CFAP418: variants seen among roughly 807,000 people sequenced by gnomAD.
CFAP418 encodes the protein cilia- and flagella-associated protein 418.
A neutral mutation model predicts 24.7 loss-of-function variants in CFAP418; 27 were observed. That is an observed-to-expected ratio of 1.09 (90% CI 0.81 to 1.51). The LOEUF (loss-of-function observed/expected upper bound fraction) is 1.51. CFAP418 is among the 40% of genes most tolerant of loss of function. The pLI, the probability that CFAP418 is intolerant of heterozygous loss-of-function variation, is 0.00. For synonymous variants in CFAP418, 74 were observed against 87.3 expected (o/e 0.85, Z 0.85); for missense variants, 257 against 255.2 (o/e 1.01, Z -0.05).
chr8:95,252,244 C>T lies in CFAP418; in HGVS notation c.414G>A (p.Leu138=), dbSNP rs150592488. The change falls in exon 5 of 6, where the codon TTG becomes TTA. Residue 138 remains leucine, a synonymous_variant. Coordinates refer to ENST00000286688, the MANE Select transcript of CFAP418 (RefSeq NM_177965.4). ...ACATATAGTCATCATAGCTGACTAC[C>T]AAGAAATCACAGGCTATACAACGCA... ...DHLRCIACDF[L]VVSYDDYMWD... The T allele has an allele frequency of 5.0e-6, 8 of 1,613,474 alleles. No homozygotes were observed. In the Admixed American group the frequency reaches 6.7e-5, roughly 13 times the overall value.
chr8:95,249,423 G>A (rs915108329), intron 5 of CFAP418, among the ~76,000 whole-genome samples: 1 of 152,152 alleles, frequency 6.6e-6, no homozygotes, highest in African/African-American at 2.4e-5. Flanking sequence ...TGCACTTTGG[G>A]GAGCCAAGGT....
intron 1 of CFAP418, 157 bp downstream of exon 1, chr8:95,268,878 G>C (rs963425651): frequency 2.6e-6 from 2 of 757,778 alleles, no homozygotes; most frequent in Admixed American, 2.4e-5. Flanking sequence ...CGACGAATGC[G>C]CTGCCGCGGA....
At chr8:95,267,145 A>G (rs1203018647) in intron 1 of CFAP418, among the ~76,000 whole-genome samples, 3 of 152,260 alleles carry the variant, frequency 2.0e-5, no homozygotes, top group Non-Finnish European at 2.9e-5. Context: ...GATATTTACA[A>G]CATCCAGCCA....
At position 95,247,391 on chromosome 8, in the gene CFAP418, C is replaced by A; in HGVS notation, c.*226G>T. On this transcript the variant is annotated 3_prime_UTR_variant, in exon 6 of 6. Transcript: ENST00000286688. ...ACAGATTAGTAAAGAATGTAGATGC[C>A]TGTTACTAAGTGAAACATCCATGTA... 1.9e-6 allele frequency: 1 copy of A among 527,484 alleles called. No individual in the cohort carries two copies. The highest frequency in any genetic ancestry group is 3.4e-6 in the Non-Finnish European group (1 of 298,446). 32.7% of individuals were successfully genotyped at this position (527,484 alleles called of 1,614,324 possible). A position where few individuals can be genotyped will look rare whatever the true frequency, so the allele number is the denominator to read the frequency against.
Position 95,265,521 on chromosome 8 carries a change from T to C in CFAP418, c.156-1747A>G, listed in dbSNP as rs565942606. 7.8e-4 allele frequency among the ~76,000 whole-genome samples: 119 copies of C among 152,336 alleles called. 1 individual carries two copies. Among genetic ancestry groups the C allele is most frequent in the Non-Finnish European group, 1.5e-3 (101 of 68,014 alleles). On this transcript the variant is annotated intron_variant, in intron 1 of 5. Transcript: ENST00000286688. ...TCCTCTTTAATCTTTCAGAAGCATC[T>C]GACACTGTTGGGTACCAATTCCTTA...
chr8:95,249,304 A>G (rs1356856467), intron 5 of CFAP418, among the ~76,000 whole-genome samples: 2 of 152,242 alleles, frequency 1.3e-5, no homozygotes, highest in African/African-American at 2.4e-5. Flanking sequence ...TAGAAAAATA[A>G]AAGCATTTTC....
At chr8:95,249,658 A>G (rs1811679352) in intron 5 of CFAP418, among the ~76,000 whole-genome samples, 1 of 149,950 alleles carries the variant, frequency 6.7e-6, no homozygotes, top group South Asian at 2.1e-4. Context: ...TTGGCTCAGA[A>G]AAAAAAAAAA....
chr8:95,255,928 T>C (rs1228997370), intron 4 of CFAP418, among the ~76,000 whole-genome samples: 1 of 152,242 alleles, frequency 6.6e-6, no homozygotes, highest in Admixed American at 6.5e-5. Flanking sequence ...AAGGGGCAAC[T>C]AATAAAAAAT....
rs1199358522 is a variant in CFAP418 at position 95,268,791 on chromosome 8, G to A, written c.155+244C>T. The A allele has an allele frequency of 3.1e-4, 89 of 284,290 alleles. 1 individual carries two copies. Among genetic ancestry groups the A allele is most frequent in the Non-Finnish European group, 6.5e-5 (10 of 154,078 alleles). The allele number at this position is 284,290 out of a possible 1,614,324, so 17.6% of individuals were successfully genotyped here. A position where few individuals can be genotyped will look rare whatever the true frequency, so the allele number is the denominator to read the frequency against. On this transcript the variant is annotated intron_variant, in intron 1 of 5. Coordinates refer to ENST00000286688, the MANE Select transcript of CFAP418 (RefSeq NM_177965.4). ...GGGGCGGGGCGGGGCGGGGCGGGGC[G>A]GGGGCCAGCCCTCTGGGGCATGCCG...
At chr8:95,252,139 T>G in intron 5 of CFAP418, 49 bp downstream of exon 5, 1 of 1,391,972 alleles carries the variant, frequency 7.2e-7, no homozygotes, top group Non-Finnish European at 1.0e-6. Flanking sequence ...AAATAGGAAA[T>G]ATAAACTACT....
Position 95,247,744 on chromosome 8 carries a change from A to C in CFAP418, c.497T>G (p.Leu166Ter), listed in dbSNP as rs1064792852. The stretch of plus-strand genomic sequence containing the variant: ...TTTCTTCTTTATCAACTTTGCTTTT[A>C]ATTTGTGAAATTCTGGCATGTTGTT... Reference protein sequence around the residue: ...FRNNMPEFHKLKAKLIKKKGT... With the variant: ...FRNNMPEFHK Residue 166 changes from leucine (L) to a stop codon, truncating the protein, a stop_gained, in exon 6 of 6, where the codon TTA (leucine) becomes TGA (stop). Transcript: ENST00000286688. LOFTEE classifies it high-confidence loss of function. 1 of 1,611,538 alleles carries C rather than the reference A, an allele frequency of 6.2e-7. No homozygotes were observed. Among genetic ancestry groups the C allele is most frequent in the Non-Finnish European group, 8.5e-7 (1 of 1,178,668 alleles).
intron 3 of CFAP418, 122 bp from the exon 4 acceptor site, chr8:95,260,027 A>G: frequency 1.5e-6 from 1 of 683,748 alleles, no homozygotes; most frequent in Non-Finnish European, 2.4e-6. Context: ...CAAATTGTCT[A>G]TTTTCCCTAG....
intron 4 of CFAP418, 152 bp from the exon 5 acceptor site, chr8:95,252,435 T>C (rs570964195): frequency 7.7e-5 from 45 of 584,930 alleles, no homozygotes; most frequent in African/African-American, 7.3e-4. Flanking sequence ...TAAATCTTTA[T>C]ACTAAAGCAT....
Position 95,247,655 on chromosome 8 carries a change from T to C in CFAP418, c.586A>G (p.Thr196Ala). Residue 196 changes from threonine (T) to alanine (A), a missense_variant, in exon 6 of 6, where the codon ACA becomes GCA. Physicochemically the swap from Thr to Ala is moderately conservative, Grantham distance 58. Transcript: ENST00000286688. ...CAAACCCAGCGAAGCTGATGATCTG[T>C]CTGAAGGTCAGTCACTTCTTCAATA... ...RTIEEVTDLQ[T>A]DHQLRWVCGK... 1.2e-6 allele frequency: 2 copies of C among 1,614,202 alleles called. No individual in the cohort carries two copies. The highest frequency in any genetic ancestry group is 1.7e-6 in the Non-Finnish European group (2 of 1,180,026).
At position 95,245,458 on chromosome 8, in the gene CFAP418, C is replaced by T. The variant is rs1420309241; in HGVS notation, c.*2159G>A. On this transcript the variant is annotated 3_prime_UTR_variant, in exon 6 of 6. Transcript: ENST00000286688. ...AATAAAAGGGAAAAAAAAACCAGGA[C>T]AACTTTGTCCCTTCAAAGTAGAGGC... 6.6e-6 allele frequency: 1 copy of T among 152,084 alleles called. No homozygotes were observed. Among genetic ancestry groups the T allele is most frequent in the African/African-American group, 2.4e-5 (1 of 41,430 alleles). The allele number at this position is 152,084 out of a possible 1,614,324, so 9.4% of individuals were successfully genotyped here. A position where few individuals can be genotyped will look rare whatever the true frequency, so the allele number is the denominator to read the frequency against.
intron 2 of CFAP418, among the ~76,000 whole-genome samples, chr8:95,261,216 T>C (rs1811884399): frequency 6.6e-6 from 1 of 152,194 alleles, no homozygotes; most frequent in African/African-American, 2.4e-5. Context: ...ATTTAAACTA[T>C]GCAGAGACAT....
chr8:95,258,732 C>T (rs372728735), intron 4 of CFAP418, among the ~76,000 whole-genome samples: 2 of 152,210 alleles, frequency 1.3e-5, no homozygotes, highest in South Asian at 2.1e-4. Flanking sequence ...GTGCCCTATA[C>T]AGCTGTACCA....
intron 2 of CFAP418, 90 bp downstream of exon 2, chr8:95,263,597 T>G (rs1811926850): frequency 1.4e-6 from 1 of 718,708 alleles, no homozygotes; most frequent in East Asian, 2.5e-5. Context: ...CAAAAGATAA[T>G]GGGTAGCTAC....
At chr8:95,254,347 T>C (rs1254560055) in intron 4 of CFAP418, among the ~76,000 whole-genome samples, 1 of 152,222 alleles carries the variant, frequency 6.6e-6, no homozygotes, top group East Asian at 1.9e-4. Flanking sequence ...CAGAGCTGTA[T>C]CTAGAAATCA....
Sources: gnomAD v4.1 joint callset for allele counts (sites outside exome capture counted in the v4.1 genomes callset) on GRCh38, gnomAD v4.1.1 for gene constraint, MANE v1.5 for transcripts, NCBI Gene and HGNC (gene_info 2026-07-23, HGNC 2026-07-21) for gene names.